The following PPP6C variants were observed in gnomAD, a reference collection of about 807,000 sequenced individuals.
PPP6C encodes protein phosphatase 6 catalytic subunit, also known as serine/threonine-protein phosphatase 6 catalytic subunit.
In PPP6C, 11 loss-of-function variants were observed where a neutral mutation model predicts 39.8. That is an observed-to-expected ratio of 0.28 (90% CI 0.17 to 0.46). The LOEUF (loss-of-function observed/expected upper bound fraction) is 0.46. PPP6C is among the 20% of genes least tolerant of loss of function. The probability of loss-of-function intolerance (pLI) is 1.00; values close to 1 mark genes in which losing one functional copy is unlikely to be tolerated. For synonymous variants in PPP6C, 129 were observed against 130.3 expected (o/e 0.99, Z 0.07); for missense variants, 211 against 373.9 (o/e 0.56, Z 3.59).
chr9:125,162,353 G>A (rs1450741711), intron 2 of PPP6C, among the ~76,000 whole-genome samples: 3 of 151,238 alleles, frequency 2.0e-5, no homozygotes, highest in African/African-American at 4.9e-5. Context: ...AGCTACCTGG[G>A]AGGCTGAGGC....
intron 1 of PPP6C, among the ~76,000 whole-genome samples, chr9:125,172,504 G>A (rs532882528): frequency 4.1e-4 from 63 of 152,078 alleles, no homozygotes; most frequent in Non-Finnish European, 6.0e-4. Context: ...CACTGCACTC[G>A]GCCGTGTTTA....
At position 125,153,688 on chromosome 9, in the gene PPP6C, T is replaced by C; in HGVS notation, c.514A>G (p.Thr172Ala). 6.2e-7 allele frequency: 1 copy of C among 1,614,194 alleles called. No homozygotes were observed. The highest frequency in any genetic ancestry group is 1.3e-5 in the African/African-American group (1 of 75,058). Residue 172 changes from threonine to alanine, a missense_variant, in exon 6 of 7, where the codon ACA (threonine) becomes GCA (alanine). Physicochemically the swap from Thr to Ala is moderately conservative, Grantham distance 58 (BLOSUM62 0). Around this residue, in one of 2 missense-constraint regions of PPP6C, gnomAD observed 168 missense variants for 342.6 expected, o/e 0.49. Transcript: ENST00000373547. ...VHGGLSPDIK[T>A]LDQIRTIERN... The stretch of plus-strand genomic sequence containing the variant: ...TCGATGGTTCGAATTTGATCCAGTG[T>C]TTTGATATCAGGAGATAAACCACCA...
rs541027569 is a variant in PPP6C, at chr9:125,151,241, G to A, written c.670-1320C>T. On this transcript the variant is annotated intron_variant, in intron 6 of 6. Coordinates refer to ENST00000373547, the MANE Select transcript of PPP6C (RefSeq NM_002721.5). ...ATTCACAAAGAAGGCCAATGAAGTC[G>A]ACCGCATGGTGCTTGTGGGAGATGT... The A allele has an allele frequency of 2.8e-5, 42 of 1,504,574 alleles. No individual in the cohort carries two copies. In the Admixed American group the frequency reaches 3.2e-4, roughly 11 times the overall value. The allele number at this position is 1,504,574 out of a possible 1,614,324, so 93.2% of individuals were successfully genotyped here. A position where few individuals can be genotyped will look rare whatever the true frequency, so the allele number is the denominator to read the frequency against.
At chr9:125,181,562 G>A (rs1403712924) in intron 1 of PPP6C, among the ~76,000 whole-genome samples, 2 of 151,924 alleles carry the variant, frequency 1.3e-5, no homozygotes, top group South Asian at 2.1e-4. Flanking sequence ...TTCAACTCCC[G>A]CTTACGAGTG....
intron 1 of PPP6C, chr9:125,188,793 C>CAAT (rs57163595): frequency 0.048 from 12,295 of 254,718 alleles, 417 homozygotes; most frequent in East Asian, 0.14. Flanking sequence ...CAGTTAAAAA[C>CAAT]AATAATAATA....
chr9:125,167,748 C>A (rs1001032569), intron 2 of PPP6C, among the ~76,000 whole-genome samples: 3 of 146,966 alleles, frequency 2.0e-5, no homozygotes, highest in African/African-American at 7.6e-5. Flanking sequence ...AGTCTCAGGC[C>A]GGACGCAGTG....
intron 1 of PPP6C, among the ~76,000 whole-genome samples, chr9:125,177,190 C>T (rs1426614008): frequency 1.3e-5 from 2 of 151,766 alleles, no homozygotes; most frequent in Admixed American, 1.3e-4. Context: ...CTGGCTAACA[C>T]AATGAAACCC....
chr9:125,188,969 G>C, intron 1 of PPP6C: 2 of 1,538,754 alleles, frequency 1.3e-6, no homozygotes, highest in Non-Finnish European at 1.8e-6. Context: ...AGGGGTTAAG[G>C]AGAAAGTATT....
At chr9:125,151,657 G>A in intron 6 of PPP6C, 2 of 588,902 alleles carry the variant, frequency 3.4e-6, no homozygotes, top group Non-Finnish European at 6.1e-6. Context: ...CTTGGTATTT[G>A]ATGACGAATT....
rs1279695345 is a variant in PPP6C, at chr9:125,185,475, CCT to C, written c.75+4167_75+4168del. 1.6e-3 allele frequency among the ~76,000 whole-genome samples: 241 copies of C among 151,340 alleles called. 3 individuals carry two copies. The highest frequency in any genetic ancestry group is 5.8e-3 in the African/African-American group (237 of 40,824). On this transcript the variant is annotated intron_variant, in intron 1 of 6. Transcript: ENST00000373547. ...TTGGGAGGCTGAGAAGGGTGGATCA[CCT>C]GAGGTCAGGAGTTTGAGACCAGCCT... is the stretch of plus-strand genomic sequence containing the variant.
intron 1 of PPP6C, among the ~76,000 whole-genome samples, chr9:125,177,404 C>A (rs994841948): frequency 2.6e-5 from 4 of 151,306 alleles, no homozygotes; most frequent in African/African-American, 9.7e-5. Flanking sequence ...TCTTAAAGTA[C>A]AGAGTTCCCC....
intron 1 of PPP6C, among the ~76,000 whole-genome samples, chr9:125,179,130 G>C (rs981712193): frequency 4.6e-5 from 7 of 151,340 alleles, no homozygotes; most frequent in African/African-American, 1.5e-4. Context: ...CAGGAGAATT[G>C]CTTGAATGCG....
intron 1 of PPP6C, among the ~76,000 whole-genome samples, chr9:125,189,393 G>A (rs539673450): frequency 6.6e-6 from 1 of 152,346 alleles, no homozygotes; most frequent in East Asian, 1.9e-4. Context: ...CAGCCCGAAG[G>A]CCAGAAGGGG....
At chr9:125,167,396 A>AAAAAG (rs1355880967) in intron 2 of PPP6C, among the ~76,000 whole-genome samples, 2 of 143,626 alleles carry the variant, frequency 1.4e-5, no homozygotes, top group African/African-American at 5.3e-5. Context: ...AAAAAAAAAA[A>AAAAAG]AAAGAAATAA....
At chr9:125,162,349 C>T (rs1366375839) in intron 2 of PPP6C, among the ~76,000 whole-genome samples, 1 of 149,738 alleles carries the variant, frequency 6.7e-6, no homozygotes, top group Non-Finnish European at 1.5e-5. Flanking sequence ...TCCCAGCTAC[C>T]TGGGAGGCTG....
In PPP6C at chr9:125,158,367, T is replaced by G; in HGVS notation, c.253A>C (p.Arg85=). ...NYIFMGDFVD[R]GYYSLETFTY... is the part of the protein sequence containing the mutation. ...AAGGTCTCCAAACTATAGTAACCTC[T>G]GTCTACAAAATCACCCTGTGAAGTA... The change falls in exon 4 of 7, where the codon AGA becomes CGA. Residue 85 remains arginine (R), a synonymous_variant. Transcript: ENST00000373547. 1 of 1,613,308 alleles carries G rather than the reference T, an allele frequency of 6.2e-7. No homozygotes were observed. The highest frequency in any genetic ancestry group is 1.3e-5 in the African/African-American group (1 of 75,036).
Position 125,171,160 on chromosome 9 carries a change from A to G in PPP6C, c.96T>C (p.Cys32=). 1 of 1,597,598 alleles carries G rather than the reference A, an allele frequency of 6.3e-7. No individual in the cohort carries two copies. Among genetic ancestry groups the G allele is most frequent in the East Asian group, 2.2e-5 (1 of 44,640 alleles). ...NDLKRLCDYV[C]DLLLEESNVQ... is the part of the protein sequence containing the mutation. Reference sequence around the variant, plus strand: ...CATTTGACTCTTCTAAGAGGAGGTCACAAACGTAGTCACATAGCCGCTATA... The same window carrying G: ...CATTTGACTCTTCTAAGAGGAGGTCGCAAACGTAGTCACATAGCCGCTATA... The change falls in exon 2 of 7, where the codon TGT becomes TGC. Residue 32 remains cysteine, a synonymous_variant. Transcript: ENST00000373547.
At chr9:125,166,391 C>T (rs1214883817) in intron 2 of PPP6C, among the ~76,000 whole-genome samples, 1 of 152,114 alleles carries the variant, frequency 6.6e-6, no homozygotes, top group Non-Finnish European at 1.5e-5. Context: ...GGCCCACTTC[C>T]TTCACTTTTG....
At chr9:125,170,358 T>A (rs1192717199) in intron 2 of PPP6C, among the ~76,000 whole-genome samples, 1 of 151,760 alleles carries the variant, frequency 6.6e-6, no homozygotes, top group East Asian at 1.9e-4. Context: ...TGCCTCAGCC[T>A]CCTGAGTAGC....
Sources: allele counts gnomAD v4.1 joint callset (sites outside exome capture counted in the v4.1 genomes callset), GRCh38; gene constraint gnomAD v4.1.1; regional missense constraint gnomAD v4.1.1; transcripts MANE v1.5; gene names NCBI Gene and HGNC (gene_info 2026-07-23, HGNC 2026-07-21).